HS6ST2: variants seen among roughly 807,000 people sequenced by gnomAD.
HS6ST2 encodes heparan sulfate 6-O-sulfotransferase 2.
Under a neutral mutation model 33.0 loss-of-function variants are expected in HS6ST2, and 17 were observed. The ratio of observed to expected loss-of-function variants is 0.52; its 90% CI spans 0.35 to 0.77. The LOEUF is 0.77. Among genes scored for constraint, HS6ST2 ranks in the 30% least tolerant of loss-of-function variants. HS6ST2 has a pLI of 0.01. For synonymous variants in HS6ST2, 248 were observed against 237.1 expected, an observed-to-expected ratio of 1.05 and a Z score of -0.42; for missense variants, 519 against 551.7, an observed-to-expected ratio of 0.94 and a Z score of 0.59.
intron 2 of HS6ST2, among the ~76,000 whole-genome samples, chrX:132,772,909 AAT>A (rs1192649567): frequency 3.4e-5 from 3 of 89,325 alleles, no homozygotes; most frequent in Non-Finnish European, 6.1e-5. Flanking sequence ...TATAAAATAT[AAT>A]ATATTTTATA....
intron 2 of HS6ST2, among the ~76,000 whole-genome samples, chrX:132,740,721 A>C (rs2064564215): frequency 9.1e-6 from 1 of 110,215 alleles, no homozygotes; most frequent in Non-Finnish European, 1.9e-5. Context: ...CTGGATGGCA[A>C]TCCTCTATTG....
At chrX:132,788,019 T>C (rs1241154590) in intron 2 of HS6ST2, among the ~76,000 whole-genome samples, 1 of 111,980 alleles carries the variant, frequency 8.9e-6, no homozygotes, top group Non-Finnish European at 1.9e-5. Flanking sequence ...CGATAGGGTA[T>C]TGAATAACCT....
chrX:132,887,183 T>A (rs1327835752), intron 2 of HS6ST2, among the ~76,000 whole-genome samples: 1 of 110,333 alleles, frequency 9.1e-6, no homozygotes, highest in Non-Finnish European at 1.9e-5. Flanking sequence ...TAATTCTACA[T>A]GCAGTAAAAC....
chrX:132,938,218 G>T (rs1236789591), intron 2 of HS6ST2, among the ~76,000 whole-genome samples: 1 of 106,442 alleles, frequency 9.4e-6, no homozygotes, highest in Non-Finnish European at 1.9e-5. Flanking sequence ...ATTATCTCAA[G>T]AGATGCAGAA....
intron 2 of HS6ST2, among the ~76,000 whole-genome samples, chrX:132,812,113 A>G (rs1425565378): frequency 9.1e-6 from 1 of 109,706 alleles, no homozygotes; most frequent in Non-Finnish European, 1.9e-5. Context: ...TTCTTTTAAT[A>G]ATGGACATCC....
At chrX:132,649,379 C>T (rs1016157660) in intron 4 of HS6ST2, among the ~76,000 whole-genome samples, 1 of 112,014 alleles carries the variant, frequency 8.9e-6, no homozygotes, top group Non-Finnish European at 1.9e-5. Flanking sequence ...CAAACCCTTG[C>T]CCAAAAGCCC....
chrX:132,919,916 G>A (rs917997469), intron 2 of HS6ST2, among the ~76,000 whole-genome samples: 1 of 112,147 alleles, frequency 8.9e-6, no homozygotes, highest in Non-Finnish European at 1.9e-5. Flanking sequence ...TCTCCAGAGA[G>A]AGCCAGCTGT....
intron 2 of HS6ST2, among the ~76,000 whole-genome samples, chrX:132,754,417 A>G (rs1277162828): frequency 3.9e-5 from 4 of 103,328 alleles, no homozygotes; most frequent in Non-Finnish European, 7.9e-5. Flanking sequence ...TCCATACTGC[A>G]CTTTTTTTTT....
rs747092446 is a variant in HS6ST2, at chrX:132,732,774, C to T, written c.948-24280G>A. 2.9e-4 allele frequency among the ~76,000 whole-genome samples: 32 copies of T among 111,770 alleles called. No homozygotes were observed. In the South Asian group the frequency reaches 6.4e-3, roughly 22 times the overall value. ...CTTTCCTTTATAAATTACCCAGTCTCGGCTATGTCTTTATTAGCAGCATGA... is the reference window on the plus strand; with the variant it reads ...CTTTCCTTTATAAATTACCCAGTCTTGGCTATGTCTTTATTAGCAGCATGA... On this transcript the variant is annotated intron_variant, in intron 2 of 4. Coordinates refer to ENST00000370833, the MANE Select transcript of HS6ST2 (RefSeq NM_001394073.1).
intron 2 of HS6ST2, among the ~76,000 whole-genome samples, chrX:132,763,541 C>T (rs2064820892): frequency 8.9e-6 from 1 of 112,345 alleles, no homozygotes; most frequent in Non-Finnish European, 1.9e-5. Context: ...CTCTCAAACC[C>T]CTCCATGTCC....
At chrX:132,718,176 C>T (rs1186556802) in intron 2 of HS6ST2, among the ~76,000 whole-genome samples, 1 of 111,827 alleles carries the variant, frequency 8.9e-6, no homozygotes, top group African/African-American at 3.2e-5. Context: ...AGTCTATACT[C>T]ATTGCCTAAA....
intron 2 of HS6ST2, among the ~76,000 whole-genome samples, chrX:132,848,321 C>T (rs888711857): frequency 7.1e-5 from 8 of 112,596 alleles, no homozygotes; most frequent in Non-Finnish European, 1.3e-4. Flanking sequence ...AGAGATGCAT[C>T]CCTCCTGGGT....
intron 2 of HS6ST2, among the ~76,000 whole-genome samples, chrX:132,850,459 G>C (rs1314800245): frequency 9.0e-6 from 1 of 111,190 alleles, no homozygotes; most frequent in Non-Finnish European, 1.9e-5. Context: ...GGCAATCTGA[G>C]CTCCAGTTTG....
intron 3 of HS6ST2, among the ~76,000 whole-genome samples, chrX:132,680,956 G>C (rs2063965823): frequency 9.2e-6 from 1 of 109,232 alleles, no homozygotes. Flanking sequence ...GCCAAGATCA[G>C]ATCGCGCCAT....
At chrX:132,906,039 T>A (rs1277103654) in intron 2 of HS6ST2, among the ~76,000 whole-genome samples, 1 of 111,143 alleles carries the variant, frequency 9.0e-6, no homozygotes, top group Admixed American at 9.6e-5. Flanking sequence ...AAAAAAGGAA[T>A]CAGATTAACA....
intron 3 of HS6ST2, among the ~76,000 whole-genome samples, chrX:132,692,398 C>A (rs1200686475): frequency 9.0e-6 from 1 of 111,301 alleles, no homozygotes; most frequent in Non-Finnish European, 1.9e-5. Flanking sequence ...CCGCTCCCTT[C>A]TTTGCTCCAC....
intron 2 of HS6ST2, among the ~76,000 whole-genome samples, chrX:132,938,179 T>A (rs5975363): frequency 9.9e-6 from 1 of 100,659 alleles, no homozygotes. Flanking sequence ...AAAAAACAAA[T>A]AAATAAAAAA....
intron 4 of HS6ST2, among the ~76,000 whole-genome samples, chrX:132,637,772 TTA>T (rs1491119148): frequency 4.8e-4 from 35 of 72,245 alleles, no homozygotes; most frequent in African/African-American, 1.7e-3. Context: ...TATTATATAT[TTA>T]TATATATAAT....
intron 2 of HS6ST2, among the ~76,000 whole-genome samples, chrX:132,894,123 GT>G (rs766095383): frequency 1.3e-3 from 120 of 93,068 alleles, no homozygotes; most frequent in East Asian, 2.1e-3. Flanking sequence ...TGGGTTTCAG[GT>G]TTTTTTTTTT....
Sources: gnomAD v4.1 joint callset for allele counts (sites outside exome capture counted in the v4.1 genomes callset) on GRCh38, gnomAD v4.1.1 for gene constraint, MANE v1.5 for transcripts, NCBI Gene and HGNC (gene_info 2026-07-23, HGNC 2026-07-21) for gene names.